Variants in HORMAD1 observed in about 807,000 individuals in gnomAD.
HORMAD1 encodes the protein HORMA domain-containing protein 1.
HORMAD1 carries 33 observed loss-of-function variants against 58.2 expected under a neutral mutation model. The ratio of observed to expected loss-of-function variants is 0.57; its 90% CI spans 0.43 to 0.76. The LOEUF (loss-of-function observed/expected upper bound fraction) is 0.76. Ranked by LOEUF, HORMAD1 falls within the 30% of genes least tolerant of loss-of-function variation. The probability of loss-of-function intolerance (pLI) is 0.00; values close to 1 mark genes in which losing one functional copy is unlikely to be tolerated. For missense variants in HORMAD1, 363 were observed against 462.0 expected (o/e 0.79, Z 1.96); for synonymous variants, 137 against 144.6 (o/e 0.95, Z 0.38).
chr1:150,707,873 C>G (rs1044733866), intron 9 of HORMAD1, among the ~76,000 whole-genome samples: 1 of 152,078 alleles, frequency 6.6e-6, no homozygotes, highest in Non-Finnish European at 1.5e-5. Context: ...GAGGTGGAGG[C>G]TGCAGTGAGC....
rs1015197861 is a variant in HORMAD1 at position 150,714,160 on chromosome 1, C to A, written c.243-39G>T. On this transcript the variant is annotated intron_variant, in intron 4 of 14. Transcript: ENST00000361824. ...CAAGGATTCATTTTTAGACTGAATG[C>A]ATTTCCAGAAAATAGTTATTTTCAT... The A allele has an allele frequency of 3.4e-6, 4 of 1,186,890 alleles. No homozygotes were observed. In the East Asian group the frequency reaches 9.7e-5, roughly 29 times the overall value. The allele number at this position is 1,186,890 out of a possible 1,614,324, so 73.5% of individuals were successfully genotyped here.
chr1:150,701,760 AT>A (rs974241047), intron 13 of HORMAD1: 7 of 152,144 alleles, frequency 4.6e-5, no homozygotes, highest in Non-Finnish European at 8.8e-5. Context: ...TAAAGCAGTG[AT>A]TTTTTTCCCT....
At chr1:150,714,878 C>T (rs1652021676) in intron 3 of HORMAD1, among the ~76,000 whole-genome samples, 200 bp from the exon 4 acceptor site, 1 of 151,958 alleles carries the variant, frequency 6.6e-6, no homozygotes, top group African/African-American at 2.4e-5. Flanking sequence ...TTCTGCCTTC[C>T]GAGTTCAAGC....
At chr1:150,715,784 T>C (rs1033111178) in intron 3 of HORMAD1, among the ~76,000 whole-genome samples, 1 of 152,096 alleles carries the variant, frequency 6.6e-6, no homozygotes, top group Non-Finnish European at 1.5e-5. Context: ...ACTACTACTG[T>C]ATGTTTTCTA....
intron 10 of HORMAD1, among the ~76,000 whole-genome samples, chr1:150,705,891 A>G (rs1378295654): frequency 1.3e-5 from 2 of 152,234 alleles, no homozygotes; most frequent in Non-Finnish European, 2.9e-5. Context: ...AGAATACAAG[A>G]GAGGTGAGAT....
At chr1:150,712,043 T>A (rs1202444882) in intron 5 of HORMAD1, among the ~76,000 whole-genome samples, 190 bp from the exon 6 acceptor site, 1 of 152,212 alleles carries the variant, frequency 6.6e-6, no homozygotes, top group Non-Finnish European at 1.5e-5. Context: ...CCCTGAAATA[T>A]CTATTGCTAC....
At chr1:150,712,013 C>T (rs1023897542) in intron 5 of HORMAD1, among the ~76,000 whole-genome samples, 160 bp from the exon 6 acceptor site, 3 of 152,098 alleles carry the variant, frequency 2.0e-5, no homozygotes, top group Non-Finnish European at 4.4e-5. Flanking sequence ...AATGCAGTAC[C>T]TTAGATATGC....
rs587772244 is a variant in HORMAD1 at position 150,715,738 on chromosome 1, T to C, written c.179-1060A>G. The stretch of plus-strand genomic sequence containing the variant: ...GCTTCCACGCCTGGCCCTGGCTGTA[T>C]TATTTTTACTTCCTTAAAATAGCAC... On this transcript the variant is annotated intron_variant, in intron 3 of 14. Coordinates refer to ENST00000361824, the MANE Select transcript of HORMAD1 (RefSeq NM_032132.5). 5.9e-5 allele frequency among the ~76,000 whole-genome samples: 9 copies of C among 152,194 alleles called. No individual in the cohort carries two copies. In the East Asian group the frequency reaches 1.5e-3, roughly 26 times the overall value.
intron 2 of HORMAD1, among the ~76,000 whole-genome samples, chr1:150,718,659 C>T (rs1652162270): frequency 6.6e-6 from 1 of 152,078 alleles, no homozygotes; most frequent in Non-Finnish European, 1.5e-5. Flanking sequence ...CGGAGTCTCA[C>T]TGTTACCCAG....
intron 13 of HORMAD1, among the ~76,000 whole-genome samples, chr1:150,702,880 A>G (rs1651577562): frequency 1.3e-5 from 2 of 152,230 alleles, no homozygotes; most frequent in African/African-American, 4.8e-5. Flanking sequence ...CGTCCTGCAC[A>G]TGTATCTTGG....
intron 9 of HORMAD1, 46 bp from the exon 10 acceptor site, chr1:150,706,855 A>T: frequency 6.8e-7 from 1 of 1,463,554 alleles, no homozygotes; most frequent in Non-Finnish European, 9.2e-7. Context: ...AAATTAAAGA[A>T]AATATAATTA....
chr1:150,700,086 A>G (rs747558228), intron 14 of HORMAD1, 26 bp downstream of exon 14: 2 of 1,109,330 alleles, frequency 1.8e-6, no homozygotes. Context: ...CATTGTATTC[A>G]AACTATACAT....
chr1:150,711,564 G>A lies in HORMAD1; in HGVS notation c.308C>T (p.Thr103Ile), dbSNP rs148759975. ...YLRMVVLAVY[T>I]NPEDPQTISE... ...ACTTACCTGAGGATCTTCTGGGTTT[G>A]TGTATACCTATTTAAAAACAATTTA... Residue 103 changes from threonine (T) to isoleucine (I), a missense_variant, in exon 7 of 15, where the codon ACA becomes ATA. Thr to Ile is a moderately conservative substitution (Grantham distance 89, BLOSUM62 -1). Transcript: ENST00000361824. 3 of 1,600,878 alleles carry A rather than the reference G, an allele frequency of 1.9e-6. No individual in the cohort carries two copies. The highest frequency in any genetic ancestry group is 2.6e-6 in the Non-Finnish European group (3 of 1,168,518).
At chr1:150,708,488 A>AT in intron 8 of HORMAD1, 81 bp from the exon 9 acceptor site, 1 of 908,846 alleles carries the variant, frequency 1.1e-6, no homozygotes, top group Non-Finnish European at 1.6e-6. Flanking sequence ...ACTATTTGAG[A>AT]TTCTTATTTC....
intron 12 of HORMAD1, 142 bp downstream of exon 12, chr1:150,703,976 A>G: frequency 1.7e-6 from 1 of 584,858 alleles, no homozygotes; most frequent in Non-Finnish European, 2.9e-6. Flanking sequence ...TAATTTCCAG[A>G]TTTAGTTAAT....
rs777794795 is a variant in HORMAD1 at position 150,714,693 on chromosome 1, G to T, written c.179-15C>A. 3.7e-6 allele frequency: 5 copies of T among 1,368,968 alleles called. No individual in the cohort carries two copies. In the South Asian group the frequency reaches 7.1e-5, roughly 20 times the overall value. The allele number at this position is 1,368,968 out of a possible 1,614,324, so 84.8% of individuals were successfully genotyped here. On this transcript the variant is annotated splice_polypyrimidine_tract_variant and intron_variant, in intron 3 of 14. Coordinates refer to ENST00000361824, the MANE Select transcript of HORMAD1 (RefSeq NM_032132.5). ...GACACAAAGATCTAAACACAAAAAT[G>T]ATGAAATATAGAGTTACTTAAGAAA...
At chr1:150,718,235 C>T (rs1285113617) in intron 2 of HORMAD1, among the ~76,000 whole-genome samples, 3 of 152,106 alleles carry the variant, frequency 2.0e-5, no homozygotes, top group Non-Finnish European at 4.4e-5. Context: ...ACGTCCTACC[C>T]ATTAGCCTAT....
intron 1 of HORMAD1, among the ~76,000 whole-genome samples, chr1:150,720,559 T>G (rs1652219862): frequency 6.6e-6 from 1 of 152,280 alleles, no homozygotes; most frequent in Admixed American, 6.5e-5. Flanking sequence ...AGAGGCAAAC[T>G]TCATAGAAGA....
intron 13 of HORMAD1, among the ~76,000 whole-genome samples, chr1:150,703,051 CCTTT>C (rs1177418633): frequency 2.0e-5 from 3 of 152,150 alleles, no homozygotes; most frequent in Admixed American, 6.5e-5. Context: ...ATTAACCATT[CCTTT>C]CTTTGTGCCT....
Sources: allele counts gnomAD v4.1 joint callset (sites outside exome capture counted in the v4.1 genomes callset), GRCh38; gene constraint gnomAD v4.1.1; transcripts MANE v1.5; gene names NCBI Gene and HGNC (gene_info 2026-07-23, HGNC 2026-07-21).